The following MTA3 variants were observed in gnomAD, a reference collection of about 807,000 sequenced individuals.
MTA3 encodes metastasis associated 1 family member 3, also known as metastasis-associated protein MTA3.
MTA3 carries 34 observed loss-of-function variants against 83.5 expected under a neutral mutation model. The ratio of observed to expected loss-of-function variants is 0.41; its 90% CI spans 0.31 to 0.54. The LOEUF (loss-of-function observed/expected upper bound fraction) is 0.54, where lower values mean the gene tolerates loss of function less well. Ranked by LOEUF, MTA3 falls within the 20% of genes least tolerant of loss-of-function variation. MTA3 has a pLI of 0.33. For synonymous variants in MTA3, 303 were observed against 252.7 expected (o/e 1.20, Z -1.89); for missense variants, 761 against 726.4 (o/e 1.05, Z -0.55).
chr2:42,598,123 A>T (rs1300481688), intron 3 of MTA3, among the ~76,000 whole-genome samples: 1 of 151,662 alleles, frequency 6.6e-6, no homozygotes, highest in Non-Finnish European at 1.5e-5. Context: ...CCCAGGCCGG[A>T]GTGCAGTGGC....
intron 2 of MTA3, among the ~76,000 whole-genome samples, chr2:42,561,328 CT>C (rs1315536143): frequency 3.2e-3 from 462 of 143,484 alleles, no homozygotes; most frequent in Admixed American, 3.4e-3. Flanking sequence ...TTATTTATTT[CT>C]TTTTTTTTTT....
chr2:42,608,348 A>G (rs1335000885), intron 3 of MTA3, among the ~76,000 whole-genome samples: 6 of 152,254 alleles, frequency 3.9e-5, no homozygotes, highest in Non-Finnish European at 8.8e-5. Flanking sequence ...CTGCAAGTAA[A>G]TGGCCCTTTT....
At chr2:42,606,195 GC>G (rs1683362654) in intron 3 of MTA3, among the ~76,000 whole-genome samples, 2 of 52,784 alleles carry the variant, frequency 3.8e-5, no homozygotes, top group South Asian at 1.1e-3. Flanking sequence ...CGGGCGGGGG[GC>G]TGACCCCCCC....
chr2:42,573,381 T>C (rs1678701535), intron 2 of MTA3, among the ~76,000 whole-genome samples: 1 of 152,214 alleles, frequency 6.6e-6, no homozygotes, highest in African/African-American at 2.4e-5. Flanking sequence ...GGTCTCACTC[T>C]GTCACCCAGG....
rs370693719 is a variant in MTA3 at position 42,682,409 on chromosome 2, T to G, written c.711T>G (p.Ala237=). The G allele has an allele frequency of 3.1e-6, 5 of 1,591,958 alleles. No individual in the cohort carries two copies. The highest frequency in any genetic ancestry group is 1.7e-5 in the Admixed American group (1 of 57,624). Residue 237 remains alanine (A), a synonymous_variant, in exon 9 of 17, where the codon GCT becomes GCG. Coordinates refer to ENST00000405094, the MANE Select transcript of MTA3 (RefSeq NM_001330442.2). ...AASRDITLFH[A]MDTLYRHSYD... is the part of the protein sequence containing the mutation. ...TCATTTTGTTTCTTTAGTTTCACGCTATGGATACATTGTATAGACACAGCT... is the reference window on the plus strand; with the variant it reads ...TCATTTTGTTTCTTTAGTTTCACGCGATGGATACATTGTATAGACACAGCT...
intron 2 of MTA3, among the ~76,000 whole-genome samples, chr2:42,540,956 G>C (rs1213846127): frequency 1.3e-5 from 2 of 151,874 alleles, no homozygotes; most frequent in African/African-American, 4.8e-5. Context: ...CCTGACTTAT[G>C]ATGGTTCAAC....
chr2:42,680,688 A>C (rs1365771148), intron 8 of MTA3, among the ~76,000 whole-genome samples: 2 of 152,178 alleles, frequency 1.3e-5, no homozygotes, highest in Non-Finnish European at 2.9e-5. Flanking sequence ...GACTCTCTTT[A>C]AATCAAAGGT....
At chr2:42,639,035 A>T (rs1221453103) in intron 4 of MTA3, among the ~76,000 whole-genome samples, 1 of 151,288 alleles carries the variant, frequency 6.6e-6, no homozygotes, top group Non-Finnish European at 1.5e-5. Flanking sequence ...ATCCAACAGC[A>T]AGCTTTTCTA....
chr2:42,714,847 CCTATGAGAAT>C (rs756662676), intron 14 of MTA3, among the ~76,000 whole-genome samples: 22 of 152,192 alleles, frequency 1.4e-4, no homozygotes, highest in Non-Finnish European at 3.1e-4. Context: ...GGTTAGCGCT[CCTATGAGAAT>C]CTAATGCTGC....
rs767598363 is a variant in MTA3 at position 42,514,682 on chromosome 2, C to CTTTTTTTTTTT, written c.-141+19443_-141+19453dup. Among the ~76,000 whole-genome samples the CTTTTTTTTTTT allele has an allele frequency of 3.7e-4, 20 of 53,484 alleles. 2 individuals carry two copies. Among genetic ancestry groups the CTTTTTTTTTTT allele is most frequent in the African/African-American group, 1.1e-3 (13 of 11,832 alleles). The allele number at this position is 53,484 out of a possible 152,430, so 35.1% of individuals were successfully genotyped here. A position where few individuals can be genotyped will look rare whatever the true frequency, so the allele number is the denominator to read the frequency against. On this transcript the variant is annotated intron_variant, in intron 2 of 17. Coordinates refer to the MTA3 transcript ENST00000405592. ...GATTACAGGCATGAGCGCCCAGCCC[C>CTTTTTTTTTTT]TTTTTTTTTTTTTTTTTTTTTTTTT...
chr2:42,596,677 T>C (rs1681824176), intron 3 of MTA3, among the ~76,000 whole-genome samples: 1 of 152,236 alleles, frequency 6.6e-6, no homozygotes, highest in Non-Finnish European at 1.5e-5. Flanking sequence ...GATCATTAAA[T>C]GAGGCATTCC....
At position 42,708,950 on chromosome 2, in the gene MTA3, C is replaced by T. The variant is rs1455132027; in HGVS notation, c.1379C>T (p.Ser460Phe). The T allele has an allele frequency of 1.9e-6, 3 of 1,614,004 alleles. No homozygotes were observed. The highest frequency in any genetic ancestry group is 1.3e-5 in the African/African-American group (1 of 75,052). Reference sequence around the variant, plus strand: ...GTCCGAAACACTGGGAGTCCAAAGTCTGCAGTGAAGACCCGCCAAGCTTTC... The same window carrying T: ...GTCCGAAACACTGGGAGTCCAAAGTTTGCAGTGAAGACCCGCCAAGCTTTC... ...MPVRNTGSPK[S>F]AVKTRQAFFL... Residue 460 changes from serine to phenylalanine, a missense_variant, in exon 14 of 17, where the codon TCT becomes TTT. Coordinates refer to ENST00000405094, the MANE Select transcript of MTA3 (RefSeq NM_001330442.2).
chr2:42,753,753 C>T lies in MTA3; in HGVS notation c.*354C>T. ...CACTTGGCAGTGGGGCTGCTGCAAG[C>T]TCAGAGCCGCTGCCACCCTGCATGT... On this transcript the variant is annotated 3_prime_UTR_variant, in exon 17 of 17. Transcript: ENST00000405094. 8.7e-7 allele frequency: 1 copy of T among 1,147,314 alleles called. No homozygotes were observed. The highest frequency in any genetic ancestry group is 1.1e-6 in the Non-Finnish European group (1 of 926,240). The allele number at this position is 1,147,314 out of a possible 1,614,324, so 71.1% of individuals were successfully genotyped here. A position where few individuals can be genotyped will look rare whatever the true frequency, so the allele number is the denominator to read the frequency against.
At chr2:42,526,998 G>C (rs1399352371) in intron 2 of MTA3, among the ~76,000 whole-genome samples, 1 of 141,838 alleles carries the variant, frequency 7.1e-6, no homozygotes, top group Non-Finnish European at 1.5e-5. Context: ...AGGTTGCAGT[G>C]AGCTGAGATC....
chr2:42,706,585 G>C (rs1269061279), intron 12 of MTA3, among the ~76,000 whole-genome samples: 1 of 152,180 alleles, frequency 6.6e-6, no homozygotes, highest in Non-Finnish European at 1.5e-5. Flanking sequence ...TTACAGGTCA[G>C]AGAAATAATA....
At chr2:42,525,485 T>TCCTTCCTTCCTTCTTTCCTTCCTC (rs2103704957) in intron 2 of MTA3, among the ~76,000 whole-genome samples, 1 of 146,638 alleles carries the variant, frequency 6.8e-6, no homozygotes, top group African/African-American at 2.5e-5. Context: ...ATTCCTTCCT[T>TCCTTCCTTCCTTCTTTCCTTCCTC]CCTTCCTTCC....
At chr2:42,716,094 A>G (rs1330390880) in intron 14 of MTA3, among the ~76,000 whole-genome samples, 2 of 152,186 alleles carry the variant, frequency 1.3e-5, no homozygotes, top group African/African-American at 2.4e-5. Context: ...GATGTTTATT[A>G]TATTTCTGCC....
intron 6 of MTA3, among the ~76,000 whole-genome samples, chr2:42,645,614 A>G (rs1212110889): frequency 6.6e-6 from 1 of 152,224 alleles, no homozygotes; most frequent in Non-Finnish European, 1.5e-5. Context: ...AGTGGCGTAG[A>G]TAGAATATCA....
At chr2:42,517,503 G>A (rs1037997964) in intron 2 of MTA3, among the ~76,000 whole-genome samples, 5 of 149,710 alleles carry the variant, frequency 3.3e-5, no homozygotes, top group Non-Finnish European at 7.4e-5. Context: ...AATCCGGGAG[G>A]TGGAGGTTGC....
Sources: allele counts gnomAD v4.1 joint callset (sites outside exome capture counted in the v4.1 genomes callset), GRCh38; gene constraint gnomAD v4.1.1; transcripts MANE v1.5; gene names NCBI Gene and HGNC (gene_info 2026-07-23, HGNC 2026-07-21).